The following VMP1 variants were observed in gnomAD, a reference collection of about 807,000 sequenced individuals.
The protein encoded by VMP1 is vacuole membrane protein 1.
Under a neutral mutation model 56.0 loss-of-function variants are expected in VMP1, and 11 were observed. The observed-to-expected ratio is 0.20, with a 90% CI of 0.12 to 0.32. VMP1 has a LOEUF of 0.32. Ranked by LOEUF, VMP1 falls within the 10% of genes least tolerant of loss-of-function variation. The pLI, the probability that VMP1 is intolerant of heterozygous loss-of-function variation, is 1.00. For synonymous variants in VMP1, 149 were observed against 165.0 expected (o/e 0.90, Z 0.74); for missense variants, 296 against 490.3 (o/e 0.60, Z 3.74).
At chr17:59,773,988 T>TAA (rs199776106) in intron 7 of VMP1, 103 bp downstream of exon 7, 312 of 827,988 alleles carry the variant, frequency 3.8e-4, no homozygotes, top group Middle Eastern at 8.6e-4. Context: ...ACTGCTAAAG[T>TAA]AAAAAAAAAA....
At chr17:59,730,601 ATATTGTATTAAGGACTCAGCATT>A (rs1328697068) in intron 1 of VMP1, among the ~76,000 whole-genome samples, 2 of 152,176 alleles carry the variant, frequency 1.3e-5, no homozygotes, top group East Asian at 1.9e-4. Flanking sequence ...GCAAGTTTTA[ATATTGTATTAAGGACTCAGCATT>A]TATTGTATTA....
chr17:59,784,877 A>T (rs187610286), intron 7 of VMP1: 79 of 152,246 alleles, frequency 5.2e-4, no homozygotes, highest in African/African-American at 1.2e-3. Flanking sequence ...ACTTTTTAAA[A>T]TTTTTTTATT....
chr17:59,797,160 C>CG (rs1261310847), intron 7 of VMP1, among the ~76,000 whole-genome samples: 1 of 150,270 alleles, frequency 6.7e-6, no homozygotes, highest in African/African-American at 2.4e-5. Context: ...GGTGAAACCC[C>CG]CCCCCCGTCT....
chr17:59,801,501 A>G (rs1053414673), intron 7 of VMP1, among the ~76,000 whole-genome samples: 10 of 151,930 alleles, frequency 6.6e-5, no homozygotes, highest in African/African-American at 2.4e-4. Context: ...TGATCCTCCC[A>G]TCTCGGCTTC....
intron 1 of VMP1, chr17:59,730,163 T>C (rs1185645371): frequency 6.6e-6 from 1 of 152,222 alleles, no homozygotes; most frequent in East Asian, 1.9e-4. Context: ...AATTGGATTA[T>C]TTGCTTTTTA....
chr17:59,836,209 A>AT (rs1028840259), intron 10 of VMP1, among the ~76,000 whole-genome samples: 3 of 150,582 alleles, frequency 2.0e-5, no homozygotes, highest in African/African-American at 7.3e-5. Flanking sequence ...TCTTTTTTTT[A>AT]TTTTTTTATT....
chr17:59,801,366 A>G (rs1677388292), intron 7 of VMP1, among the ~76,000 whole-genome samples: 1 of 150,478 alleles, frequency 6.6e-6, no homozygotes, highest in African/African-American at 2.4e-5. Flanking sequence ...CTGCCTCAGT[A>G]TCCCGAGTAA....
At chr17:59,768,709 G>A (rs1000288773) in intron 6 of VMP1, among the ~76,000 whole-genome samples, 7 of 152,010 alleles carry the variant, frequency 4.6e-5, no homozygotes, top group East Asian at 1.9e-4. Context: ...TTCACCGGGC[G>A]CGGTGGCTCA....
At chr17:59,713,559 A>G (rs1259839743) in intron 1 of VMP1, among the ~76,000 whole-genome samples, 1 of 151,938 alleles carries the variant, frequency 6.6e-6, no homozygotes, top group Non-Finnish European at 1.5e-5. Context: ...GGTAAAAGAA[A>G]GATCTGGGCT....
At chr17:59,768,990 G>A (rs111793162) in intron 6 of VMP1, among the ~76,000 whole-genome samples, 42 of 151,660 alleles carry the variant, frequency 2.8e-4, no homozygotes, top group African/African-American at 9.9e-4. Context: ...GTGTAGTGGC[G>A]CAGGTCTGTA....
chr17:59,801,110 ATATGTGTGTG>A (rs1199158424), intron 7 of VMP1, among the ~76,000 whole-genome samples: 2 of 109,726 alleles, frequency 1.8e-5, no homozygotes, highest in African/African-American at 9.0e-5. Flanking sequence ...ATATATATAT[ATATGTGTGTG>A]TGTGTGTGTG....
intron 1 of VMP1, among the ~76,000 whole-genome samples, chr17:59,730,632 T>C (rs2034788147): frequency 1.3e-5 from 2 of 152,246 alleles, no homozygotes; most frequent in Non-Finnish European, 2.9e-5. Flanking sequence ...ATTTATTGTA[T>C]TAAGGACTCA....
In VMP1 at chr17:59,828,742, TA is replaced by T. The variant is rs781126836; in HGVS notation, c.975-9552del. ...GATCCTGGATGTAAAGAAACATGAT[TA>T]GGGGGCTACCACATTTCAGATCCAA... On this transcript the variant is annotated intron_variant, in intron 10 of 11. Coordinates refer to ENST00000262291, the MANE Select transcript of VMP1 (RefSeq NM_030938.5). Among the ~76,000 whole-genome samples, 168 of 152,290 alleles carry T rather than the reference TA, an allele frequency of 1.1e-3. 1 individual carries two copies. The highest frequency in any genetic ancestry group is 2.3e-3 in the Admixed American group (35 of 15,284).
At chr17:59,806,001 A>G (rs937233976) in intron 7 of VMP1, among the ~76,000 whole-genome samples, 1 of 152,144 alleles carries the variant, frequency 6.6e-6, no homozygotes, top group African/African-American at 2.4e-5. Flanking sequence ...CTGATTTTAT[A>G]TATTTAATTC....
intron 5 of VMP1, 58 bp from the exon 6 acceptor site, chr17:59,764,913 T>C: frequency 7.9e-7 from 1 of 1,267,248 alleles, no homozygotes; most frequent in Admixed American, 2.7e-5. Context: ...TTTAAAATAA[T>C]GTGTATTGAT....
At chr17:59,824,251 C>CAA (rs532688168) in intron 10 of VMP1, among the ~76,000 whole-genome samples, 22 of 115,988 alleles carry the variant, frequency 1.9e-4, no homozygotes, top group East Asian at 1.5e-3. Flanking sequence ...ACTCTGTCTC[C>CAA]AAAAAAAAAA....
intron 7 of VMP1, among the ~76,000 whole-genome samples, chr17:59,790,224 T>C (rs1210865372): frequency 6.6e-6 from 1 of 152,184 alleles, no homozygotes; most frequent in Non-Finnish European, 1.5e-5. Flanking sequence ...TCTCAGGTCT[T>C]ACAACTTCAA....
chr17:59,834,311 A>G (rs955500014), intron 10 of VMP1, among the ~76,000 whole-genome samples: 2 of 147,714 alleles, frequency 1.4e-5, no homozygotes, highest in Non-Finnish European at 3.0e-5. Flanking sequence ...TGCCCAGGGT[A>G]GAGTGCAATG....
At chr17:59,725,651 G>A (rs1302420379) in intron 1 of VMP1, among the ~76,000 whole-genome samples, 2 of 151,738 alleles carry the variant, frequency 1.3e-5, no homozygotes, top group South Asian at 2.1e-4. Context: ...CCTTCTTTTG[G>A]GAATGGCAAG....
Sources: allele counts gnomAD v4.1 joint callset (sites outside exome capture counted in the v4.1 genomes callset), GRCh38; gene constraint gnomAD v4.1.1; transcripts MANE v1.5; gene names NCBI Gene and HGNC (gene_info 2026-07-23, HGNC 2026-07-21).